PLCE1: variants seen among roughly 807,000 people sequenced by gnomAD.
PLCE1 encodes the protein phospholipase C epsilon 1.
In PLCE1, 119 loss-of-function variants were observed where a neutral mutation model predicts 242.8. The observed-to-expected ratio is 0.49, with a 90% CI of 0.42 to 0.57. The LOEUF (loss-of-function observed/expected upper bound fraction) is 0.57, where lower values mean the gene tolerates loss of function less well. PLCE1 is among the 20% of genes least tolerant of loss of function. The pLI, the probability that PLCE1 is intolerant of heterozygous loss-of-function variation, is 0.00. For missense variants in PLCE1, 2,441 were observed against 2,788.8 expected (o/e 0.88, Z 2.81); for synonymous variants, 945 against 1,017.4 (o/e 0.93, Z 1.35).
At chr10:94,255,912 ACACTCT>A (rs1199478196) in intron 11 of PLCE1, among the ~76,000 whole-genome samples, 7 of 87,026 alleles carry the variant, frequency 8.0e-5, no homozygotes, top group East Asian at 8.3e-4. Context: ...ACACACACAC[ACACTCT>A]CTCTCTCTCT....
rs1048343765 is a variant in PLCE1, at chr10:94,118,743, T to A, written c.1207-13431T>A. On this transcript the variant is annotated intron_variant, in intron 2 of 32. Transcript: ENST00000371380. ...CGCAAATTGCCCAATCTTGGGTATG[T>A]CTTTATCAGCACCGTGAAAACGGAC... Among the ~76,000 whole-genome samples the A allele has an allele frequency of 5.3e-5, 8 of 152,208 alleles. No homozygotes were observed. In the East Asian group the frequency reaches 1.5e-3, roughly 29 times the overall value.
At chr10:94,327,674 A>G (rs569344318) in intron 32 of PLCE1, among the ~76,000 whole-genome samples, 2 of 152,366 alleles carry the variant, frequency 1.3e-5, no homozygotes, top group East Asian at 1.9e-4. Context: ...AGTAGTAGTT[A>G]GCTGAAGGAA....
At chr10:94,262,207 G>C (rs1277437365) in intron 13 of PLCE1, among the ~76,000 whole-genome samples, 2 of 151,832 alleles carry the variant, frequency 1.3e-5, no homozygotes, top group African/African-American at 4.8e-5. Flanking sequence ...CACCATGTTG[G>C]CCAGGCTGGT....
intron 2 of PLCE1, among the ~76,000 whole-genome samples, chr10:94,034,416 T>C (rs2147738): frequency 0.32 from 49,222 of 152,074 alleles, 8,755 homozygotes; most frequent in African/African-American, 0.48. Context: ...ATTAACACTT[T>C]TATTGCTAAG....
At chr10:94,038,545 A>T (rs2061709367) in intron 2 of PLCE1, among the ~76,000 whole-genome samples, 1 of 151,780 alleles carries the variant, frequency 6.6e-6, no homozygotes, top group Admixed American at 6.6e-5. Flanking sequence ...TTAGGCCATC[A>T]CTCCTCAAAC....
chr10:94,048,286 A>G (rs2043653863), intron 2 of PLCE1, among the ~76,000 whole-genome samples: 1 of 152,164 alleles, frequency 6.6e-6, no homozygotes, highest in Admixed American at 6.5e-5. Context: ...TCTTGGATAT[A>G]TCCCTAGAAA....
At chr10:94,175,085 A>G (rs2048090039) in intron 4 of PLCE1, among the ~76,000 whole-genome samples, 1 of 152,202 alleles carries the variant, frequency 6.6e-6, no homozygotes, top group South Asian at 2.1e-4. Context: ...GAGCTCAGAG[A>G]GATTGAGTCA....
At chr10:94,146,252 G>A (rs1156309220) in intron 3 of PLCE1, among the ~76,000 whole-genome samples, 1 of 152,066 alleles carries the variant, frequency 6.6e-6, no homozygotes, top group East Asian at 1.9e-4. Context: ...AGCCAGCATG[G>A]GCCCACTTAG....
intron 2 of PLCE1, among the ~76,000 whole-genome samples, chr10:94,035,662 T>A (rs1244109709): frequency 6.6e-6 from 1 of 152,156 alleles, no homozygotes; most frequent in African/African-American, 2.4e-5. Flanking sequence ...GGGAGATTTC[T>A]AAAGGGGGGG....
chr10:94,071,465 G>T (rs539304783), intron 2 of PLCE1, among the ~76,000 whole-genome samples: 1 of 137,770 alleles, frequency 7.3e-6, no homozygotes, highest in East Asian at 2.2e-4. Context: ...TCTTCCTCGG[G>T]TTTTGTCTGT....
chr10:94,233,177 A>G (rs2137277512), intron 5 of PLCE1, among the ~76,000 whole-genome samples: 1 of 152,342 alleles, frequency 6.6e-6, no homozygotes, highest in East Asian at 1.9e-4. Context: ...TGTGGGTCTC[A>G]GCAGGAGTTT....
At position 94,259,076 on chromosome 10, in the gene PLCE1, C is replaced by T. The variant is rs759820322; in HGVS notation, c.3740C>T (p.Ser1247Phe). The change falls in exon 13 of 33, where the codon TCT (serine) becomes TTT (phenylalanine). Residue 1247 changes from serine to phenylalanine, a missense_variant. Transcript: ENST00000371380. Reference sequence around the variant, plus strand: ...GTCTATGCAGTGCCCTGCAACCGATCTGGCTCCGAGTCAGCCCCACTCTAC... The same window carrying T: ...GTCTATGCAGTGCCCTGCAACCGATTTGGCTCCGAGTCAGCCCCACTCTAC... ...FDVYAVPCNR[S>F]GSESAPLYTN... The T allele has an allele frequency of 3.7e-6, 6 of 1,613,922 alleles. No individual in the cohort carries two copies. In the Admixed American group the frequency reaches 1.0e-4, roughly 27 times the overall value.
rs548033991 is a variant in PLCE1, at chr10:94,305,166, C to T, written c.5622+521C>T. On this transcript the variant is annotated intron_variant, in intron 25 of 32. Transcript: ENST00000371380. ...AGACCTGGCCAGGTGCGGTGGCTCA[C>T]GCCTGTAATCCTAGCAATTTGGGAG... 4.6e-5 allele frequency among the ~76,000 whole-genome samples: 7 copies of T among 152,228 alleles called. 1 individual carries two copies. The South Asian group carries it at 8.3e-4, about 18-fold the overall frequency.
chr10:94,081,663 T>A (rs2044657618), intron 2 of PLCE1, among the ~76,000 whole-genome samples: 1 of 152,242 alleles, frequency 6.6e-6, no homozygotes, highest in South Asian at 2.1e-4. Context: ...TGCTAAACCT[T>A]ACTTAACTTG....
chr10:94,233,527 G>A (rs967851887), intron 5 of PLCE1, among the ~76,000 whole-genome samples: 3 of 152,086 alleles, frequency 2.0e-5, no homozygotes, highest in Admixed American at 6.5e-5. Flanking sequence ...CATAACTAAC[G>A]CGTCCCATAT....
intron 29 of PLCE1, 32 bp from the exon 30 acceptor site, chr10:94,321,869 T>G (rs768123333): frequency 6.5e-7 from 1 of 1,538,460 alleles, no homozygotes; most frequent in Non-Finnish European, 9.0e-7. Context: ...ATAAACCTAT[T>G]ATTTACTCAC....
chr10:94,148,576 C>G (rs528008085), intron 3 of PLCE1, among the ~76,000 whole-genome samples: 2 of 152,096 alleles, frequency 1.3e-5, no homozygotes, highest in African/African-American at 4.8e-5. Flanking sequence ...GGATCATGCA[C>G]GGGCAAATAA....
chr10:94,272,918 A>G (rs1235089480), intron 18 of PLCE1, among the ~76,000 whole-genome samples: 1 of 152,162 alleles, frequency 6.6e-6, no homozygotes, highest in Non-Finnish European at 1.5e-5. Flanking sequence ...AAATAACTCA[A>G]GGCCAGGCCC....
chr10:94,188,773 T>C (rs982598236), intron 4 of PLCE1, among the ~76,000 whole-genome samples: 4 of 152,050 alleles, frequency 2.6e-5, no homozygotes, highest in Admixed American at 6.6e-5. Context: ...TCCCGGCTAA[T>C]TTTTTGAATT....
Sources: gnomAD v4.1 joint callset for allele counts (sites outside exome capture counted in the v4.1 genomes callset) on GRCh38, gnomAD v4.1.1 for gene constraint, MANE v1.5 for transcripts, NCBI Gene and HGNC (gene_info 2026-07-23, HGNC 2026-07-21) for gene names.